SUGCT: variants seen among roughly 807,000 people sequenced by gnomAD.
SUGCT encodes the protein succinyl-CoA:glutarate CoA-transferase.
Under a neutral mutation model 55.0 loss-of-function variants are expected in SUGCT, and 41 were observed. The ratio of observed to expected loss-of-function variants is 0.74; its 90% CI spans 0.58 to 0.97. The LOEUF is 0.97. SUGCT is among the 50% of genes least tolerant of loss of function. The pLI is 0.00. For synonymous variants in SUGCT, 187 were observed against 200.4 expected, an observed-to-expected ratio of 0.93 and a Z score of 0.56; for missense variants, 568 against 547.8, an observed-to-expected ratio of 1.04 and a Z score of -0.37.
chr7:40,501,705 G>T (rs893245675), intron 12 of SUGCT, among the ~76,000 whole-genome samples: 2 of 152,010 alleles, frequency 1.3e-5, no homozygotes, highest in African/African-American at 2.4e-5. Context: ...TTTGGTATTT[G>T]GCAAGGAATG....
chr7:40,836,414 T>A (rs911085495), intron 13 of SUGCT, among the ~76,000 whole-genome samples: 29 of 152,208 alleles, frequency 1.9e-4, no homozygotes, highest in Non-Finnish European at 3.8e-4. Flanking sequence ...CAGGAAACTG[T>A]CAGTGATACA....
At chr7:40,312,736 T>C (rs1368120160) in intron 8 of SUGCT, among the ~76,000 whole-genome samples, 2 of 152,156 alleles carry the variant, frequency 1.3e-5, no homozygotes, top group Non-Finnish European at 1.5e-5. Context: ...GAAAAGATGA[T>C]GTTGAAATAG....
intron 12 of SUGCT, among the ~76,000 whole-genome samples, chr7:40,715,309 C>T (rs1349211981): frequency 6.6e-6 from 1 of 152,022 alleles, no homozygotes; most frequent in Non-Finnish European, 1.5e-5. Context: ...GCTGCTGTGA[C>T]CTCATCTATA....
chr7:40,632,698 C>A (rs1043515032), intron 12 of SUGCT, among the ~76,000 whole-genome samples: 1 of 151,788 alleles, frequency 6.6e-6, no homozygotes, highest in Admixed American at 6.6e-5. Context: ...ATTTGAATGT[C>A]AAGTATATGT....
At chr7:41,007,306 G>A in the SUGCT span, among the ~76,000 whole-genome samples, 1 of 152,144 alleles carries the variant, frequency 6.6e-6, no homozygotes, top group South Asian at 2.1e-4. Flanking sequence ...TTGATCAAGT[G>A]AGATGGCCCT....
intron 1 of SUGCT, among the ~76,000 whole-genome samples, chr7:40,165,836 C>T (rs1441187306): frequency 6.6e-6 from 1 of 152,040 alleles, no homozygotes; most frequent in Non-Finnish European, 1.5e-5. Context: ...CAATTGCAGG[C>T]CAGGTGTGGT....
intron 12 of SUGCT, among the ~76,000 whole-genome samples, chr7:40,598,935 C>T (rs1798158830): frequency 6.6e-6 from 1 of 152,176 alleles, no homozygotes; most frequent in South Asian, 2.1e-4. Flanking sequence ...TTAATAAGAG[C>T]ATCTCTCTCA....
chr7:40,980,782 T>C, the SUGCT span, among the ~76,000 whole-genome samples: 1 of 152,148 alleles, frequency 6.6e-6, no homozygotes, highest in Non-Finnish European at 1.5e-5. Flanking sequence ...CTACAACTTC[T>C]GCCTCCTGAG....
intron 1 of SUGCT, among the ~76,000 whole-genome samples, chr7:40,146,373 C>T (rs1014527472): frequency 4.6e-5 from 7 of 152,158 alleles, no homozygotes; most frequent in Admixed American, 1.3e-4. Context: ...AGACCCTAAC[C>T]CAGTGTCGCT....
At chr7:40,594,649 C>T (rs191497225) in intron 12 of SUGCT, among the ~76,000 whole-genome samples, 1 of 152,326 alleles carries the variant, frequency 6.6e-6, no homozygotes, top group East Asian at 1.9e-4. Flanking sequence ...CAGGATTATG[C>T]ACAGTGAGAA....
chr7:40,259,267 A>G lies in SUGCT; in HGVS notation c.577-15246A>G, dbSNP rs575490653. Reference sequence around the variant, plus strand: ...AACATAGTTAATATACTTAATGTACAGTTGACCCTTGGATAACATGAATTT... The same window carrying G: ...AACATAGTTAATATACTTAATGTACGGTTGACCCTTGGATAACATGAATTT... On this transcript the variant is annotated intron_variant, in intron 7 of 13. Coordinates refer to ENST00000335693, the MANE Select transcript of SUGCT (RefSeq NM_001193313.2). Among the ~76,000 whole-genome samples the G allele has an allele frequency of 2.6e-5, 4 of 152,352 alleles. No homozygotes were observed. In the East Asian group the frequency reaches 7.7e-4, roughly 29 times the overall value.
the SUGCT span, among the ~76,000 whole-genome samples, chr7:40,884,391 C>A: frequency 6.6e-6 from 1 of 152,182 alleles, no homozygotes. Flanking sequence ...GGTGAGGGAA[C>A]AAATGGTTTT....
chr7:41,015,601 A>G, the SUGCT span, among the ~76,000 whole-genome samples: 710 of 152,286 alleles, frequency 4.7e-3, 4 homozygotes, highest in African/African-American at 0.016. Flanking sequence ...GTAGAAATGA[A>G]TCAATGTTTC....
At chr7:40,384,987 G>A (rs1785045127) in intron 9 of SUGCT, among the ~76,000 whole-genome samples, 1 of 152,078 alleles carries the variant, frequency 6.6e-6, no homozygotes, top group Non-Finnish European at 1.5e-5. Flanking sequence ...GGTCTGGGAG[G>A]CAAGACACAT....
At chr7:40,250,980 G>T (rs570816329) in intron 7 of SUGCT, among the ~76,000 whole-genome samples, 2 of 151,058 alleles carry the variant, frequency 1.3e-5, no homozygotes, top group Non-Finnish European at 3.0e-5. Flanking sequence ...GGGATTACAG[G>T]CCCCTGCCAC....
the SUGCT span, among the ~76,000 whole-genome samples, chr7:40,937,007 A>G: frequency 6.6e-6 from 1 of 152,140 alleles, no homozygotes; most frequent in African/African-American, 2.4e-5. Flanking sequence ...GACTTCTTTT[A>G]TGCCCTACCA....
chr7:40,407,254 A>G (rs183664986), intron 9 of SUGCT, among the ~76,000 whole-genome samples: 126 of 152,252 alleles, frequency 8.3e-4, no homozygotes, highest in African/African-American at 2.9e-3. Context: ...GATTGGCTCT[A>G]TGAATAGAAA....
At chr7:40,304,554 T>A (rs1333199009) in intron 8 of SUGCT, among the ~76,000 whole-genome samples, 1 of 151,516 alleles carries the variant, frequency 6.6e-6, no homozygotes, top group East Asian at 1.9e-4. Flanking sequence ...CAGTGTACAC[T>A]GTACCAACAT....
intron 13 of SUGCT, among the ~76,000 whole-genome samples, chr7:40,755,841 T>C (rs1788227302): frequency 6.6e-6 from 1 of 152,162 alleles, no homozygotes; most frequent in African/African-American, 2.4e-5. Flanking sequence ...GGATTCGAAA[T>C]TGAATTGCTT....
Sources: gnomAD v4.1 joint callset for allele counts (sites outside exome capture counted in the v4.1 genomes callset) on GRCh38, gnomAD v4.1.1 for gene constraint, MANE v1.5 for transcripts, NCBI Gene and HGNC (gene_info 2026-07-23, HGNC 2026-07-21) for gene names.